The following TRIM5 variants were observed in gnomAD, a reference collection of about 807,000 sequenced individuals.
TRIM5 encodes tripartite motif containing 5.
A neutral mutation model predicts 35.6 loss-of-function variants in TRIM5; 31 were observed. The observed-to-expected ratio is 0.87, with a 90% confidence interval of 0.65 to 1.18. TRIM5 has a LOEUF of 1.18. Ranked by LOEUF, TRIM5 falls within the 50% of genes most tolerant of loss-of-function variation. The pLI, the probability that TRIM5 is intolerant of heterozygous loss-of-function variation, is 0.00. For missense variants in TRIM5, 609 were observed against 591.6 expected, an observed-to-expected ratio of 1.03 and a Z score of -0.31; for synonymous variants, 243 against 215.6, an observed-to-expected ratio of 1.13 and a Z score of -1.11.
chr11:5,669,271 G>A (rs1851394050), intron 4 of TRIM5, among the ~76,000 whole-genome samples: 1 of 151,310 alleles, frequency 6.6e-6, no homozygotes, highest in Non-Finnish European at 1.5e-5. Context: ...GTAGAGACAG[G>A]GTTTCTCCAT....
chr11:5,636,990 C>CAA, the TRIM5 span, among the ~76,000 whole-genome samples: 1 of 152,090 alleles, frequency 6.6e-6, no homozygotes, highest in Non-Finnish European at 1.5e-5. Context: ...ACTAAAAATA[C>CAA]AAAAAATTAG....
the TRIM5 span, chr11:5,620,065 T>A: frequency 1.3e-5 from 2 of 151,806 alleles, no homozygotes; most frequent in African/African-American, 4.8e-5. Context: ...TACCTGTCTC[T>A]ACATTTTGGG....
intron 1 of TRIM5, chr11:5,683,897 T>C (rs891483426): frequency 1.3e-5 from 2 of 152,410 alleles, no homozygotes; most frequent in East Asian, 1.9e-4. Context: ...TTCCACACTA[T>C]GGACGCTTTG....
the TRIM5 span, chr11:5,603,295 G>T: frequency 6.2e-7 from 1 of 1,614,122 alleles, no homozygotes; most frequent in Non-Finnish European, 8.5e-7. Context: ...GCAGGCAGGA[G>T]CCAGGAGAGT....
At chr11:5,677,108 C>A (rs111883558) in intron 4 of TRIM5, among the ~76,000 whole-genome samples, 58 of 151,880 alleles carry the variant, frequency 3.8e-4, no homozygotes, top group African/African-American at 1.3e-3. Context: ...CAAATGGGAT[C>A]TAATTAAACT....
At chr11:5,655,753 T>C in the TRIM5 span, 2 of 906,390 alleles carry the variant, frequency 2.2e-6, no homozygotes, top group East Asian at 1.2e-4. Flanking sequence ...GTGCAGGACA[T>C]ATAAAATCAT....
At chr11:5,610,992 A>G in the TRIM5 span, 1 of 1,614,164 alleles carries the variant, frequency 6.2e-7, no homozygotes, top group Non-Finnish European at 8.5e-7. Context: ...GGGGGTATGC[A>G]GCAATTCACT....
chr11:5,601,936 G>A, the TRIM5 span, among the ~76,000 whole-genome samples: 1 of 152,138 alleles, frequency 6.6e-6, no homozygotes, highest in Non-Finnish European at 1.5e-5. Context: ...TGATGGCAGA[G>A]AGGTGAAAGA....
chr11:5,610,339 T>A, the TRIM5 span: 2 of 1,588,296 alleles, frequency 1.3e-6, no homozygotes, highest in South Asian at 2.2e-5. Context: ...TTGAGCATAG[T>A]GGCAAAGAGG....
Position 5,680,777 on chromosome 11 carries a change from A to G in TRIM5, c.-61-539T>C, listed in dbSNP as rs893391425. Among the ~76,000 whole-genome samples the G allele has an allele frequency of 7.2e-5, 11 of 152,350 alleles. 1 individual carries two copies. The Middle Eastern group carries it at 0.01, about 141-fold the overall frequency. On this transcript the variant is annotated intron_variant, in intron 1 of 7. Coordinates refer to ENST00000380034, the MANE Select transcript of TRIM5 (RefSeq NM_033034.3). The stretch of plus-strand genomic sequence containing the variant: ...TCTCACCATGCACTGTACGTTTGCA[A>G]TGATTGCTCTTATTATCAGCAGAGT...
intron 4 of TRIM5, among the ~76,000 whole-genome samples, chr11:5,677,094 T>C (rs1457288129): frequency 1.3e-5 from 2 of 151,638 alleles, no homozygotes; most frequent in African/African-American, 2.4e-5. Flanking sequence ...AAAGACAAAA[T>C]TGACAAATGG....
chr11:5,623,000 T>C, the TRIM5 span, among the ~76,000 whole-genome samples: 1 of 151,742 alleles, frequency 6.6e-6, no homozygotes, highest in African/African-American at 2.4e-5. Context: ...AGGTCATAGG[T>C]AGATAAAAGA....
Position 5,666,419 on chromosome 11 carries a change from C to T in TRIM5, c.768-338G>A, listed in dbSNP as rs568800567. The T allele has an allele frequency of 2.1e-3, 514 of 247,148 alleles. 2 individuals are homozygous for T. The highest frequency in any genetic ancestry group is 8.3e-3 in the African/African-American group (363 of 43,556). The allele number at this position is 247,148 out of a possible 1,614,324, so 15.3% of individuals were successfully genotyped here. A position where few individuals can be genotyped will look rare whatever the true frequency, so the allele number is the denominator to read the frequency against. On this transcript the variant is annotated intron_variant, in intron 5 of 7. Transcript: ENST00000380034. ...GATTTTAAAACAAAACAAAACAAAA[C>T]TTTGGTGCCTTACAAAAGAAACCCT...
the TRIM5 span, among the ~76,000 whole-genome samples, chr11:5,647,590 T>C: frequency 9.6e-3 from 1,463 of 152,248 alleles, 24 homozygotes; most frequent in African/African-American, 0.034. Context: ...TGGTGCAATC[T>C]TGGCTCACTG....
At chr11:5,661,085 A>G (rs1201776211), downstream of TRIM5, among the ~76,000 whole-genome samples, 2 of 119,876 alleles carry the variant, frequency 1.7e-5, no homozygotes, top group Non-Finnish European at 3.4e-5. Context: ...AAAAAAAAAA[A>G]AAAAGATTAG....
the TRIM5 span, among the ~76,000 whole-genome samples, chr11:5,624,459 G>A: frequency 2.0e-5 from 3 of 152,184 alleles, no homozygotes. Context: ...TTGGTAGGTA[G>A]CACACAAGTG....
chr11:5,680,020 C>A lies in TRIM5; in HGVS notation c.158G>T (p.Ser53Ile). ...HKKSMLDKGE[S>I]SCPVCRISYQ... The stretch of plus-strand genomic sequence containing the variant: ...ACTGATCCGGCACACAGGGCAGCTA[C>A]TCTCTCCTTTGTCTAGCATGGACTT... The change falls in exon 2 of 8, where the codon AGT becomes ATT. Residue 53 changes from serine to isoleucine, a missense_variant. By Grantham distance (142) the Ser-to-Ile change is moderately radical. Transcript: ENST00000380034. The A allele has an allele frequency of 1.2e-6, 2 of 1,614,172 alleles. No homozygotes were observed. Among genetic ancestry groups the A allele is most frequent in the Non-Finnish European group, 1.7e-6 (2 of 1,180,026 alleles).
At chr11:5,648,302 C>G in the TRIM5 span, among the ~76,000 whole-genome samples, 660 of 151,950 alleles carry the variant, frequency 4.3e-3, 3 homozygotes, top group African/African-American at 0.015. Flanking sequence ...GTCAGGAGAT[C>G]GAGACCATCC....
At chr11:5,632,288 G>C in the TRIM5 span, 4 of 1,612,934 alleles carry the variant, frequency 2.5e-6, no homozygotes, top group South Asian at 3.3e-5. Context: ...AGAGAGAGGA[G>C]AGCCTCAGGA....
Sources: allele counts gnomAD v4.1 joint callset (sites outside exome capture counted in the v4.1 genomes callset), GRCh38; gene constraint gnomAD v4.1.1; transcripts MANE v1.5; gene names NCBI Gene and HGNC (gene_info 2026-07-23, HGNC 2026-07-21).